MYO3A: variants seen among roughly 807,000 people sequenced by gnomAD.
MYO3A encodes myosin IIIA, also known as myosin-IIIa.
MYO3A carries 180 observed loss-of-function variants against 192.7 expected under a neutral mutation model. That is an observed-to-expected ratio of 0.93 (90% CI 0.83 to 1.06). The LOEUF (loss-of-function observed/expected upper bound fraction) is 1.06, where lower values mean the gene tolerates loss of function less well. MYO3A is among the 50% of genes least tolerant of loss of function. The pLI, the probability that MYO3A is intolerant of heterozygous loss-of-function variation, is 0.00. For missense variants in MYO3A, 1,896 were observed against 1,905.0 expected, an observed-to-expected ratio of 1.00 and a Z score of 0.09; for synonymous variants, 628 against 645.3, an observed-to-expected ratio of 0.97 and a Z score of 0.41.
At chr10:26,140,329 A>G (rs1840075410) in intron 20 of MYO3A, among the ~76,000 whole-genome samples, 1 of 152,300 alleles carries the variant, frequency 6.6e-6, no homozygotes, top group South Asian at 2.1e-4. Context: ...GTTTAGGCCA[A>G]GCTTCTGTGG....
intron 7 of MYO3A, 48 bp from the exon 8 acceptor site, chr10:26,021,455 T>C (rs1842296181): frequency 1.9e-6 from 3 of 1,594,078 alleles, no homozygotes; most frequent in Non-Finnish European, 1.7e-6. Context: ...TATTACATGC[T>C]TGTTAAAGTC....
intron 11 of MYO3A, among the ~76,000 whole-genome samples, chr10:26,068,107 A>C (rs779433436): frequency 6.6e-6 from 1 of 152,172 alleles, no homozygotes; most frequent in African/African-American, 2.4e-5. Flanking sequence ...AGAAGTTTTC[A>C]CTAATCATGT....
At chr10:26,040,075 A>T (rs1843259653) in intron 10 of MYO3A, among the ~76,000 whole-genome samples, 1 of 151,696 alleles carries the variant, frequency 6.6e-6, no homozygotes, top group Admixed American at 6.6e-5. Flanking sequence ...TGTTGTGCGA[A>T]AATTATAATT....
chr10:25,994,737 C>T (rs147210414), intron 4 of MYO3A, among the ~76,000 whole-genome samples: 4,198 of 152,132 alleles, frequency 0.028, 178 homozygotes, highest in African/African-American at 0.095. Flanking sequence ...TTTGCTTGTC[C>T]GTAAAGGATT....
chr10:25,987,208 A>G (rs1839707358), intron 4 of MYO3A, among the ~76,000 whole-genome samples: 1 of 152,190 alleles, frequency 6.6e-6, no homozygotes, highest in Non-Finnish European at 1.5e-5. Context: ...ACAAAAATCA[A>G]CTCAAGATGG....
chr10:26,189,640 G>A (rs61842184), intron 31 of MYO3A, among the ~76,000 whole-genome samples: 9,314 of 152,222 alleles, frequency 0.061, 372 homozygotes, highest in Non-Finnish European at 0.084. Flanking sequence ...GGGGGAAATG[G>A]GAGATAAAAC....
intron 15 of MYO3A, among the ~76,000 whole-genome samples, 195 bp from the exon 16 acceptor site, chr10:26,096,183 TTAA>T (rs1378179867): frequency 6.6e-6 from 1 of 152,178 alleles, no homozygotes; most frequent in African/African-American, 2.4e-5. Flanking sequence ...TATGAAGTGA[TTAA>T]GATAATTTCT....
chr10:26,143,792 G>A (rs1039562799), intron 21 of MYO3A, among the ~76,000 whole-genome samples, 191 bp downstream of exon 21: 1 of 152,216 alleles, frequency 6.6e-6, no homozygotes, highest in African/African-American at 2.4e-5. Context: ...AAAATATTTA[G>A]TGATAAATTA....
chr10:26,007,652 A>G (rs1471749569), intron 6 of MYO3A, among the ~76,000 whole-genome samples: 2 of 151,902 alleles, frequency 1.3e-5, no homozygotes, highest in Non-Finnish European at 2.9e-5. Context: ...AGAGAATAAA[A>G]TACCTAGGAA....
chr10:25,955,249 C>A (rs571201817), intron 4 of MYO3A, among the ~76,000 whole-genome samples: 57 of 152,128 alleles, frequency 3.7e-4, no homozygotes, highest in African/African-American at 1.1e-3. Context: ...ACCAAATAAA[C>A]TGAGATTATT....
At position 26,212,362 on chromosome 10, in the gene MYO3A, T is replaced by A. The variant is rs75394319; in HGVS notation, c.*399T>A. 1.1e-5 allele frequency: 4 copies of A among 349,786 alleles called. No homozygotes were observed. Among genetic ancestry groups the A allele is most frequent in the African/African-American group, 8.7e-5 (4 of 45,776 alleles). The allele number at this position is 349,786 out of a possible 1,614,324, so 21.7% of individuals were successfully genotyped here. ...GACTGAATTCACAGATTTTTTTTTT[T>A]ATTGGAAACGGCTTTTCTTGGCCAA... On this transcript the variant is annotated 3_prime_UTR_variant, in exon 35 of 35. Transcript: ENST00000642920.
At chr10:26,149,174 T>A (rs1025275854) in intron 23 of MYO3A, among the ~76,000 whole-genome samples, 2 of 152,004 alleles carry the variant, frequency 1.3e-5, no homozygotes, top group Non-Finnish European at 2.9e-5. Context: ...CTTTTTTTTT[T>A]AATTCCTAAT....
At chr10:25,966,043 G>A (rs1013608430) in intron 4 of MYO3A, among the ~76,000 whole-genome samples, 60 of 151,040 alleles carry the variant, frequency 4.0e-4, no homozygotes, top group Non-Finnish European at 4.4e-5. Flanking sequence ...CCAGATTTTC[G>A]GTTCTTAAGA....
intron 4 of MYO3A, among the ~76,000 whole-genome samples, chr10:25,958,573 G>C (rs1245448725): frequency 6.6e-6 from 1 of 152,094 alleles, no homozygotes; most frequent in Non-Finnish European, 1.5e-5. Flanking sequence ...GGCTATTCAG[G>C]TTCCTTTTTG....
chr10:26,090,576 T>A (rs1239078463), intron 15 of MYO3A, among the ~76,000 whole-genome samples: 1 of 152,228 alleles, frequency 6.6e-6, no homozygotes, highest in Admixed American at 6.5e-5. Context: ...ACTTTTTCCA[T>A]TTTTATATCT....
At chr10:26,086,249 G>A (rs1836302518) in intron 14 of MYO3A, among the ~76,000 whole-genome samples, 1 of 152,122 alleles carries the variant, frequency 6.6e-6, no homozygotes, top group African/African-American at 2.4e-5. Flanking sequence ...AGGGGGAAAT[G>A]CCACTGTTAA....
chr10:26,144,896 C>T (rs1840361972), intron 21 of MYO3A, among the ~76,000 whole-genome samples: 5 of 152,176 alleles, frequency 3.3e-5, no homozygotes, highest in Admixed American at 3.3e-4. Context: ...AAACCCTCAG[C>T]CAGGTGCAGT....
chr10:26,189,631 G>T (rs1843031449), intron 31 of MYO3A, among the ~76,000 whole-genome samples: 1 of 152,214 alleles, frequency 6.6e-6, no homozygotes, highest in Non-Finnish European at 1.5e-5. Context: ...GTCCATTTGG[G>T]GGGAAATGGG....
chr10:26,152,706 T>A (rs1394184648), intron 23 of MYO3A, among the ~76,000 whole-genome samples: 1 of 152,238 alleles, frequency 6.6e-6, no homozygotes, highest in Non-Finnish European at 1.5e-5. Flanking sequence ...AAACTGCCAC[T>A]CTAAAGATCA....
Sources: allele counts gnomAD v4.1 joint callset (sites outside exome capture counted in the v4.1 genomes callset), GRCh38; gene constraint gnomAD v4.1.1; transcripts MANE v1.5; gene names NCBI Gene and HGNC (gene_info 2026-07-23, HGNC 2026-07-21).